COPB2: variants seen among roughly 807,000 people sequenced by gnomAD.
COPB2 encodes coat protein complex I subunit beta 2, also known as coatomer subunit beta'.
In COPB2, 16 loss-of-function variants were observed where a neutral mutation model predicts 120.8. That is an observed-to-expected ratio of 0.13 (90% CI 0.09 to 0.20). The LOEUF (loss-of-function observed/expected upper bound fraction) is 0.20. Ranked by LOEUF, COPB2 falls within the 10% of genes least tolerant of loss-of-function variation. The probability of loss-of-function intolerance (pLI) is 1.00; values close to 1 mark genes in which losing one functional copy is unlikely to be tolerated. For missense variants in COPB2, 794 were observed against 1,076.5 expected (o/e 0.74, Z 3.67); for synonymous variants, 332 against 366.3 (o/e 0.91, Z 1.07).
Position 139,373,372 on chromosome 3 carries a change from C to G in COPB2, c.935G>C (p.Gly312Ala). Reference protein sequence around the residue: ...EEPAMSMDANGKIIWAKHSEV... With the variant: ...EEPAMSMDANAKIIWAKHSEV... ...TGAATGCTTGGCCCAAATTATCTTT[C>G]CATTGGCATCCATGGACATGGCAGG... The change falls in exon 9 of 22, where the codon GGA becomes GCA. Residue 312 changes from glycine to alanine, a missense_variant. This residue lies in a region of COPB2 where 610 missense variants were observed against 866.7 expected (regional missense o/e 0.70). Transcript: ENST00000333188. 1 of 1,614,162 alleles carries G rather than the reference C, an allele frequency of 6.2e-7. No individual in the cohort carries two copies. The highest frequency in any genetic ancestry group is 8.5e-7 in the Non-Finnish European group (1 of 1,180,032).
intron 1 of COPB2, chr3:139,388,131 A>G (rs1385309777): frequency 6.6e-6 from 1 of 152,224 alleles, no homozygotes; most frequent in Non-Finnish European, 1.5e-5. Context: ...AGGCAGATCC[A>G]AGAGCCTTTT....
chr3:139,366,974 A>C (rs776161692), intron 14 of COPB2, 41 bp downstream of exon 14: 1 of 1,585,334 alleles, frequency 6.3e-7, no homozygotes. Flanking sequence ...TTCTAAACAC[A>C]CTTTAAAATT....
In COPB2 at chr3:139,357,681, T is replaced by C; in HGVS notation, c.*182A>G. ...TTAGTTAACAAGGAAAACACAGTGA[T>C]TTAAATGCTGCACATAAACTCTTCT... On this transcript the variant is annotated 3_prime_UTR_variant, in exon 22 of 22. Transcript: ENST00000333188. The C allele has an allele frequency of 2.3e-6, 1 of 434,056 alleles. No individual in the cohort carries two copies. The highest frequency in any genetic ancestry group is 4.0e-6 in the Non-Finnish European group (1 of 247,434). 26.9% of individuals were successfully genotyped at this position (434,056 alleles called of 1,614,324 possible).
intron 9 of COPB2, among the ~76,000 whole-genome samples, chr3:139,372,945 A>G (rs568537201): frequency 9.2e-5 from 14 of 152,354 alleles, no homozygotes; most frequent in African/African-American, 2.6e-4. Flanking sequence ...CACAAACTCA[A>G]TGCATGCGAA....
chr3:139,359,093 G>A lies in COPB2; in HGVS notation c.2389C>T (p.Leu797=). 6.2e-7 allele frequency: 1 copy of A among 1,614,106 alleles called. No homozygotes were observed. The highest frequency in any genetic ancestry group is 8.5e-7 in the Non-Finnish European group (1 of 1,180,014). Residue 797 remains leucine, a synonymous_variant, in exon 19 of 22, where the codon CTG becomes TTG. Coordinates refer to ENST00000333188, the MANE Select transcript of COPB2 (RefSeq NM_004766.3). ...SLADPTEYEN[L]FPGLKEAFVV... ...AAGGCTTCTTTTAATCCAGGGAACA[G>A]GTTTTCATACTCTGTTGGGTCAGCA...
Position 139,366,719 on chromosome 3 carries a change from T to C in COPB2, c.1733A>G (p.Lys578Arg). 2 of 1,614,030 alleles carry C rather than the reference T, an allele frequency of 1.2e-6. No individual in the cohort carries two copies. The highest frequency in any genetic ancestry group is 2.2e-5 in the South Asian group (2 of 91,088). ...PKDNRLYLGD[K>R]ELNIISYSLL... ...GGAATAGCTAATGATGTTCAATTCT[T>C]TATCCCCCAGATAAAGCCTGTTGTC... is the stretch of plus-strand genomic sequence containing the variant. Residue 578 changes from lysine (K) to arginine (R), a missense_variant, in exon 15 of 22, where the codon AAA becomes AGA. Physicochemically the swap from Lys to Arg is conservative, Grantham distance 26. This residue lies in a region of COPB2 where 610 missense variants were observed against 866.7 expected (regional missense o/e 0.70). Coordinates refer to ENST00000333188, the MANE Select transcript of COPB2 (RefSeq NM_004766.3).
chr3:139,361,289 G>C lies in COPB2; in HGVS notation c.2002C>G (p.Gln668Glu), dbSNP rs369565965. ...YQLAVEAESEQKWKQLAELAI... is the reference protein window; with the variant it reads ...YQLAVEAESEEKWKQLAELAI... Reference sequence around the variant, plus strand: ...AGTTCAGCAAGTTGTTTCCACTTCTGTTCTGACTGTAAGAAAAGAGTTTCC... The same window carrying C: ...AGTTCAGCAAGTTGTTTCCACTTCTCTTCTGACTGTAAGAAAAGAGTTTCC... Residue 668 changes from glutamine (Q) to glutamate (E), a missense_variant, in exon 17 of 22, where the codon CAG (glutamine) becomes GAG (glutamate). This residue lies in a region of COPB2 where 610 missense variants were observed against 866.7 expected (regional missense o/e 0.70). Transcript: ENST00000333188. 6.8e-6 allele frequency: 11 copies of C among 1,613,166 alleles called. No homozygotes were observed. The highest frequency in any genetic ancestry group is 8.5e-6 in the Non-Finnish European group (10 of 1,179,588).
intron 1 of COPB2, among the ~76,000 whole-genome samples, chr3:139,387,908 CAT>C (rs1160746881): frequency 3.9e-5 from 6 of 152,170 alleles, no homozygotes. Flanking sequence ...ACTTCACAAA[CAT>C]ATAACTCTAT....
At chr3:139,362,642 A>G (rs1462743734) in intron 15 of COPB2, 125 bp from the exon 16 acceptor site, 1 of 393,070 alleles carries the variant, frequency 2.5e-6, no homozygotes, top group Non-Finnish European at 4.2e-6. Flanking sequence ...TTTCCCTCTC[A>G]AACTAGAAAC....
In COPB2 at chr3:139,359,255, A is replaced by ATTAAAAG. The variant is rs1356912760; in HGVS notation, c.2303+8_2303+14dup. 13 of 1,613,220 alleles carry ATTAAAAG rather than the reference A, an allele frequency of 8.1e-6. No individual in the cohort carries two copies. Among genetic ancestry groups the ATTAAAAG allele is most frequent in the African/African-American group, 1.3e-5 (1 of 74,820 alleles). ...TTTATTGGAAACATTTCTTCCTAAAATTAAAAGTCTGTACCTTGAAACCTG... is the reference window on the plus strand; with the variant it reads ...TTTATTGGAAACATTTCTTCCTAAAATTAAAAGTTAAAAGTCTGTACCTTGAAACCTG... On this transcript the variant is annotated intron_variant, in intron 18 of 21. Coordinates refer to ENST00000333188, the MANE Select transcript of COPB2 (RefSeq NM_004766.3).
intron 15 of COPB2, among the ~76,000 whole-genome samples, chr3:139,365,554 A>G (rs1941499041): frequency 1.3e-5 from 2 of 152,168 alleles, no homozygotes; most frequent in African/African-American, 4.8e-5. Flanking sequence ...AGGAAAGGAG[A>G]TAGGGGTATA....
intron 7 of COPB2, 139 bp from the exon 8 acceptor site, chr3:139,373,947 A>C (rs542229596): frequency 3.3e-6 from 3 of 903,906 alleles, no homozygotes; most frequent in Non-Finnish European, 4.9e-6. Context: ...TTTTTGACCT[A>C]CTGTCTTTAA....
At chr3:139,389,522 C>T (rs184354231) in intron 1 of COPB2, 26 bp downstream of exon 1, 1 of 1,556,158 alleles carries the variant, frequency 6.4e-7, no homozygotes, top group Admixed American at 1.8e-5. Flanking sequence ...TGGGACCCCG[C>T]TCCCTTCTAC....
chr3:139,364,771 C>T (rs942746203), intron 15 of COPB2, among the ~76,000 whole-genome samples: 4 of 152,170 alleles, frequency 2.6e-5, no homozygotes, highest in African/African-American at 9.7e-5. Flanking sequence ...AATCCAAACC[C>T]AATATGCCCC....
In COPB2 at chr3:139,383,428, C is replaced by A; in HGVS notation, c.11G>T (p.Arg4Leu). 1 of 1,552,384 alleles carries A rather than the reference C, an allele frequency of 6.4e-7. No individual in the cohort carries two copies. Among genetic ancestry groups the A allele is most frequent in the South Asian group, 1.2e-5 (1 of 80,210 alleles). ...AGTTAGCTTTCTTTTGATATCAAGTCGCAGAGGCTAAAAAGAAACATTAAA... is the reference window on the plus strand; with the variant it reads ...AGTTAGCTTTCTTTTGATATCAAGTAGCAGAGGCTAAAAAGAAACATTAAA... MPL[R>L]LDIKRKLTAR... The change falls in exon 2 of 22, where the codon CGA (arginine) becomes CTA (leucine). Residue 4 changes from arginine to leucine, a missense_variant. Physicochemically the swap from Arg to Leu is moderately radical, Grantham distance 102. Transcript: ENST00000333188.
intron 2 of COPB2, chr3:139,382,774 ATATGT>A (rs762628219): frequency 2.3e-5 from 4 of 170,606 alleles, no homozygotes; most frequent in Non-Finnish European, 5.0e-5. Flanking sequence ...AATTTGAAGG[ATATGT>A]TATTTACTCA....
At chr3:139,374,313 T>C (rs925008254) in intron 7 of COPB2, 176 bp downstream of exon 7, 14 of 563,320 alleles carry the variant, frequency 2.5e-5, no homozygotes, top group African/African-American at 1.7e-4. Flanking sequence ...ATGATGATGA[T>C]GATGATGATG....
At chr3:139,358,894 C>T (rs1328306114) in intron 19 of COPB2, 82 bp from the exon 20 acceptor site, 2 of 1,554,812 alleles carry the variant, frequency 1.3e-6, no homozygotes, top group Non-Finnish European at 1.8e-6. Context: ...TCCCAGATAT[C>T]AGCTCTTAAT....
rs527979941 is a variant in COPB2 at position 139,361,661 on chromosome 3, C to T, written c.1996-366G>A. On this transcript the variant is annotated intron_variant, in intron 16 of 21. Coordinates refer to ENST00000333188, the MANE Select transcript of COPB2 (RefSeq NM_004766.3). ...ACTTTTTTGAAAGCATACAAAACTA[C>T]GTCTTTAAATATTTCACAATAATAT... Among the ~76,000 whole-genome samples the T allele has an allele frequency of 1.1e-4, 17 of 152,266 alleles. No homozygotes were observed. The South Asian group carries it at 1.9e-3, about 17-fold the overall frequency.
Sources: allele counts gnomAD v4.1 joint callset (sites outside exome capture counted in the v4.1 genomes callset), GRCh38; gene constraint gnomAD v4.1.1; regional missense constraint gnomAD v4.1.1; transcripts MANE v1.5; gene names NCBI Gene and HGNC (gene_info 2026-07-23, HGNC 2026-07-21).